EIF4ENIF1: variants seen among roughly 807,000 people sequenced by gnomAD.
The protein encoded by EIF4ENIF1 is eukaryotic translation initiation factor 4E transporter.
In EIF4ENIF1, 23 loss-of-function variants were observed where a neutral mutation model predicts 110.5. That is an observed-to-expected ratio of 0.21 (90% confidence interval 0.15 to 0.29). The LOEUF is 0.29. Ranked by LOEUF, EIF4ENIF1 falls within the 10% of genes least tolerant of loss-of-function variation. The pLI is 1.00. For synonymous variants in EIF4ENIF1, 440 were observed against 437.0 expected (o/e 1.01, Z -0.09); for missense variants, 1,031 against 1,221.1 (o/e 0.84, Z 2.32).
chr22:31,456,390 A>AT (rs1279975751), intron 7 of EIF4ENIF1, among the ~76,000 whole-genome samples: 1 of 150,528 alleles, frequency 6.6e-6, no homozygotes, highest in Non-Finnish European at 1.5e-5. Flanking sequence ...CGCCCGGCTA[A>AT]TTTTTTGTAT....
chr22:31,442,183 G>C (rs568064794), intron 16 of EIF4ENIF1, 65 bp from the exon 17 acceptor site: 2 of 1,240,370 alleles, frequency 1.6e-6, no homozygotes, highest in Admixed American at 2.1e-5. Context: ...CCTCCCACTG[G>C]TCTAATAAAT....
chr22:31,490,425 G>A (rs2052234831), upstream of EIF4ENIF1, among the ~76,000 whole-genome samples: 1 of 152,204 alleles, frequency 6.6e-6, no homozygotes, highest in Admixed American at 6.5e-5. Flanking sequence ...CTAAGTTTCG[G>A]TCGTGTTTCT....
At chr22:31,465,182 G>A (rs1164972598) in intron 4 of EIF4ENIF1, among the ~76,000 whole-genome samples, 1 of 151,810 alleles carries the variant, frequency 6.6e-6, no homozygotes, top group Non-Finnish European at 1.5e-5. Flanking sequence ...AATTAGCCAG[G>A]CGTGGTGGTA....
rs1445179798 is a variant in EIF4ENIF1, at chr22:31,488,681, T to C, written c.38A>G (p.Asp13Gly). ...AGGCTTCTTCAGGTCAAGGAAAGCA[T>C]CTCCACTTTCTGTTTCACCCATACT... ...RRSMGETESG[D>G]AFLDLKKPPA... is the part of the protein sequence containing the mutation. The change falls in exon 2 of 19, where the codon GAT (aspartate) becomes GGT (glycine). Residue 13 changes from aspartate to glycine, a missense_variant. Transcript: ENST00000330125. 1 of 1,614,128 alleles carries C rather than the reference T, an allele frequency of 6.2e-7. No individual in the cohort carries two copies.
chr22:31,450,843 C>CCACACACACA (rs1569073447), intron 10 of EIF4ENIF1: 16 of 96,934 alleles, frequency 1.7e-4, no homozygotes, highest in South Asian at 1.3e-3. Flanking sequence ...TATATATATA[C>CCACACACACA]TACACACACA....
intron 2 of EIF4ENIF1, among the ~76,000 whole-genome samples, chr22:31,476,462 AC>A (rs2051575582): frequency 6.6e-6 from 1 of 152,192 alleles, no homozygotes; most frequent in Non-Finnish European, 1.5e-5. Context: ...GGTCCTATTG[AC>A]GAGGAATCAA....
At position 31,472,113 on chromosome 22, in the gene EIF4ENIF1, A is replaced by T. The variant is rs529889111; in HGVS notation, c.97-196T>A. Among the ~76,000 whole-genome samples the T allele has an allele frequency of 4.6e-5, 7 of 152,338 alleles. No individual in the cohort carries two copies. In the South Asian group the frequency reaches 1.5e-3, roughly 32 times the overall value. On this transcript the variant is annotated intron_variant, in intron 2 of 18. Coordinates refer to ENST00000330125, the MANE Select transcript of EIF4ENIF1 (RefSeq NM_019843.4). ...AAGCAGAATAATCCAGTAACTTAAA[A>T]GTGATCAGTTTCTGGCTAAAACAAT...
rs1316616122 is a variant in EIF4ENIF1 at position 31,454,395 on chromosome 22, C to G, written c.1280-19G>C. Reference sequence around the variant, plus strand: ...GAATGTGCTGAGAAGTTGAGAACGTCCAGGTTAAATCAAGCAAAGAGATAT... The same window carrying G: ...GAATGTGCTGAGAAGTTGAGAACGTGCAGGTTAAATCAAGCAAAGAGATAT... On this transcript the variant is annotated intron_variant, in intron 9 of 18. Transcript: ENST00000330125. 2.5e-6 allele frequency: 4 copies of G among 1,606,580 alleles called. No individual in the cohort carries two copies. The Admixed American group carries it at 6.7e-5, about 27-fold the overall frequency.
intron 2 of EIF4ENIF1, among the ~76,000 whole-genome samples, chr22:31,476,840 A>G (rs895834424): frequency 4.3e-5 from 6 of 140,658 alleles, no homozygotes; most frequent in African/African-American, 1.2e-4. Flanking sequence ...TGTGTCAAAC[A>G]AACAAAAAAA....
rs5753642 is a variant in EIF4ENIF1 at position 31,477,455 on chromosome 22, G to A, written c.97-5538C>T. 7.3e-4 allele frequency among the ~76,000 whole-genome samples: 110 copies of A among 150,454 alleles called. 1 individual carries two copies. The highest frequency in any genetic ancestry group is 2.1e-3 in the Admixed American group (31 of 15,050). On this transcript the variant is annotated intron_variant, in intron 2 of 18. Coordinates refer to ENST00000330125, the MANE Select transcript of EIF4ENIF1 (RefSeq NM_019843.4). ...TTGTTCAATATAATCTTTCCTCTTA[G>A]AGTTATTGCTCTAATCACAGAGTGA...
chr22:31,487,793 C>CA (rs35367724), intron 2 of EIF4ENIF1, among the ~76,000 whole-genome samples: 5,521 of 68,540 alleles, frequency 0.081, 152 homozygotes, highest in African/African-American at 0.095. Context: ...CTGTCGGGTG[C>CA]AAAAAAAAAA....
rs562372037 is a variant in EIF4ENIF1, at chr22:31,447,561, C to T, written c.1853G>A (p.Ser618Asn). ...KPMSPITAQM[S>N]QLELQQAALE... ...AGCTGCCTGTTGCAACTCCAGCTGG[C>T]TCATCTGCTGAAAAGGAGAGGGGAG... Residue 618 changes from serine to asparagine, a missense_variant, in exon 14 of 19, where the codon AGC becomes AAC. By Grantham distance (46) the Ser-to-Asn change is conservative (BLOSUM62 1). Around this residue, in one of 3 missense-constraint regions of EIF4ENIF1, gnomAD observed 704 missense variants for 879.7 expected, o/e 0.80. Coordinates refer to ENST00000330125, the MANE Select transcript of EIF4ENIF1 (RefSeq NM_019843.4). The T allele has an allele frequency of 1.4e-5, 22 of 1,602,340 alleles. No homozygotes were observed. In the African/African-American group the frequency reaches 2.8e-4, roughly 20 times the overall value.
chr22:31,442,866 G>C (rs1286150682), intron 16 of EIF4ENIF1, 96 bp downstream of exon 16: 7 of 1,501,552 alleles, frequency 4.7e-6, no homozygotes, highest in Non-Finnish European at 6.3e-6. Flanking sequence ...GTCTTGCCCA[G>C]GGCTTTGTAT....
chr22:31,453,157 T>G (rs867451756), intron 10 of EIF4ENIF1, among the ~76,000 whole-genome samples: 47 of 152,162 alleles, frequency 3.1e-4, no homozygotes, highest in African/African-American at 1.0e-3. Flanking sequence ...TATCAAGAGA[T>G]AGTGATATTA....
At chr22:31,440,176 C>A (rs1380689041) in intron 18 of EIF4ENIF1, 55 bp from the exon 19 acceptor site, 1 of 1,612,828 alleles carries the variant, frequency 6.2e-7, no homozygotes, top group Non-Finnish European at 8.5e-7. Context: ...GTTTATTAGA[C>A]CCTGCTTCAT....
At chr22:31,446,738 C>A (rs1295622043) in intron 14 of EIF4ENIF1, among the ~76,000 whole-genome samples, 1 of 152,142 alleles carries the variant, frequency 6.6e-6, no homozygotes, top group Admixed American at 6.5e-5. Context: ...GAGTAGTTAA[C>A]AAGGAAGTTT....
chr22:31,441,550 GAAAAAAAAAAAAA>G (rs771597260), intron 17 of EIF4ENIF1, among the ~76,000 whole-genome samples: 1 of 65,260 alleles, frequency 1.5e-5, no homozygotes, highest in Non-Finnish European at 3.0e-5. Flanking sequence ...CTACAAAAAG[GAAAAAAAAAAAAA>G]AAAAAAAAAA....
Position 31,448,222 on chromosome 22 carries a change from T to C in EIF4ENIF1, c.1779A>G (p.Pro593=). The C allele has an allele frequency of 6.2e-7, 1 of 1,614,180 alleles. No individual in the cohort carries two copies. Among genetic ancestry groups the C allele is most frequent in the Non-Finnish European group, 8.5e-7 (1 of 1,180,008 alleles). Residue 593 remains proline (P), a synonymous_variant, in exon 13 of 19, where the codon CCA becomes CCG. Transcript: ENST00000330125. ...GATCTCCGAGTAGCTGCTGTGGTCC[T>C]GGTGTGAAACCTGTCGGGAAAGTTA... is the stretch of plus-strand genomic sequence containing the variant. ...PRIPSPIGFT[P]GPQQLLGDPF...
chr22:31,486,053 C>T (rs1391980163), intron 2 of EIF4ENIF1, among the ~76,000 whole-genome samples: 2 of 139,130 alleles, frequency 1.4e-5, no homozygotes, highest in South Asian at 2.1e-4. Flanking sequence ...TCGAGACCAG[C>T]GAGGTCAGGA....
Sources: allele counts gnomAD v4.1 joint callset (sites outside exome capture counted in the v4.1 genomes callset), GRCh38; gene constraint gnomAD v4.1.1; regional missense constraint gnomAD v4.1.1; transcripts MANE v1.5; gene names NCBI Gene and HGNC (gene_info 2026-07-23, HGNC 2026-07-21).